The following THEMIS variants were observed in gnomAD, a reference collection of about 807,000 sequenced individuals.
The protein encoded by THEMIS is thymocyte selection associated, also known as protein THEMIS.
Under a neutral mutation model 52.6 loss-of-function variants are expected in THEMIS, and 37 were observed. That is an observed-to-expected ratio of 0.70 (90% CI 0.54 to 0.93). THEMIS has a LOEUF of 0.93. Among genes scored for constraint, THEMIS ranks in the 40% least tolerant of loss-of-function variants. The pLI, the probability that THEMIS is intolerant of heterozygous loss-of-function variation, is 0.00. For synonymous variants in THEMIS, 292 were observed against 272.7 expected, an observed-to-expected ratio of 1.07 and a Z score of -0.70; for missense variants, 808 against 763.1, an observed-to-expected ratio of 1.06 and a Z score of -0.69.
intron 1 of THEMIS, among the ~76,000 whole-genome samples, chr6:127,906,826 AT>A (rs889063435): frequency 2.6e-5 from 4 of 151,990 alleles, no homozygotes; most frequent in Non-Finnish European, 5.9e-5. Context: ...CAAGAGAAGT[AT>A]TGTTGAAAAG....
intron 1 of THEMIS, among the ~76,000 whole-genome samples, chr6:127,890,999 G>A (rs963860888): frequency 2.6e-5 from 4 of 151,988 alleles, no homozygotes; most frequent in Admixed American, 2.6e-4. Flanking sequence ...AGCATCCTCT[G>A]TGCCCAAGTT....
chr6:127,914,961 A>G (rs149875046), intron 1 of THEMIS, among the ~76,000 whole-genome samples: 114 of 152,344 alleles, frequency 7.5e-4, no homozygotes, highest in African/African-American at 2.7e-3. Context: ...GATTTTACAC[A>G]TTACTAGTGA....
chr6:127,754,073 C>T (rs1219313738), intron 4 of THEMIS, among the ~76,000 whole-genome samples: 1 of 152,118 alleles, frequency 6.6e-6, no homozygotes, highest in African/African-American at 2.4e-5. Context: ...CAGATTTTTA[C>T]ATGTCAATCA....
intron 4 of THEMIS, among the ~76,000 whole-genome samples, chr6:127,750,505 C>T (rs1015860710): frequency 3.3e-5 from 5 of 151,604 alleles, no homozygotes; most frequent in African/African-American, 1.2e-4. Flanking sequence ...AAATTTGAAG[C>T]CAGGAAGTCA....
At chr6:127,862,289 G>A (rs1779828101) in intron 1 of THEMIS, among the ~76,000 whole-genome samples, 2 of 151,850 alleles carry the variant, frequency 1.3e-5, no homozygotes, top group Non-Finnish European at 2.9e-5. Context: ...TTATTGTACT[G>A]GCATTCTGAT....
At chr6:127,837,219 G>A (rs1460246031) in intron 2 of THEMIS, among the ~76,000 whole-genome samples, 1 of 151,864 alleles carries the variant, frequency 6.6e-6, no homozygotes, top group African/African-American at 2.4e-5. Flanking sequence ...CAAAAACTAA[G>A]AATAATAGAC....
intron 2 of THEMIS, among the ~76,000 whole-genome samples, chr6:127,852,018 T>G (rs992925937): frequency 2.0e-5 from 3 of 151,630 alleles, no homozygotes; most frequent in African/African-American, 7.3e-5. Context: ...CGTCGGGGAC[T>G]GTCTGTAGTT....
At chr6:127,815,272 ATTGATT>A (rs1201373419) in intron 3 of THEMIS, among the ~76,000 whole-genome samples, 4 of 152,142 alleles carry the variant, frequency 2.6e-5, no homozygotes, top group Non-Finnish European at 5.9e-5. Context: ...ATGATATGGC[ATTGATT>A]TTCAATATCT....
chr6:127,748,293 T>C (rs543861991), intron 4 of THEMIS, among the ~76,000 whole-genome samples: 1 of 152,046 alleles, frequency 6.6e-6, no homozygotes, highest in East Asian at 1.9e-4. Context: ...TAAAAACGAG[T>C]GGCTGCATCT....
At chr6:127,878,134 G>A (rs1204551864) in intron 1 of THEMIS, among the ~76,000 whole-genome samples, 1 of 152,168 alleles carries the variant, frequency 6.6e-6, no homozygotes, top group African/African-American at 2.4e-5. Context: ...GCTGCTTCAT[G>A]GGTGAAATCA....
At chr6:127,793,220 G>A (rs1341976803) in intron 4 of THEMIS, among the ~76,000 whole-genome samples, 1 of 152,164 alleles carries the variant, frequency 6.6e-6, no homozygotes, top group Non-Finnish European at 1.5e-5. Flanking sequence ...TCCCAGTTGA[G>A]GAAACATTGG....
At chr6:127,710,065 C>G in intron 5 of THEMIS, 49 bp from the exon 6 acceptor site, 1 of 1,359,546 alleles carries the variant, frequency 7.4e-7, no homozygotes, top group Non-Finnish European at 1.0e-6. Context: ...TTGAAAATAA[C>G]CAGAAAGGAA....
At chr6:127,732,456 C>G (rs974970690) in intron 4 of THEMIS, among the ~76,000 whole-genome samples, 1 of 152,082 alleles carries the variant, frequency 6.6e-6, no homozygotes, top group African/African-American at 2.4e-5. Flanking sequence ...AGCTCAATGA[C>G]TTGATATAAA....
At chr6:127,796,969 AC>A in intron 4 of THEMIS, among the ~76,000 whole-genome samples, 1 of 152,318 alleles carries the variant, frequency 6.6e-6, no homozygotes, top group East Asian at 1.9e-4. Flanking sequence ...ATAAAAATCC[AC>A]TTGACTCCAG....
At position 127,869,720 on chromosome 6, in the gene THEMIS, T is replaced by C. The variant is rs559727491; in HGVS notation, c.92-14532A>G. On this transcript the variant is annotated intron_variant, in intron 1 of 5. Transcript: ENST00000368248. ...GCTGAAAAAGCTGACAACCTGGAAA[T>C]GCCAGTGGACACAGACCAAGAAAAC... Among the ~76,000 whole-genome samples the C allele has an allele frequency of 7.2e-5, 11 of 152,256 alleles. No homozygotes were observed. In the East Asian group the frequency reaches 9.7e-4, roughly 13 times the overall value.
Position 127,709,919 on chromosome 6 carries a change from A to T in THEMIS, c.*66T>A. 6.9e-7 allele frequency: 1 copy of T among 1,442,302 alleles called. No homozygotes were observed. The highest frequency in any genetic ancestry group is 9.5e-7 in the Non-Finnish European group (1 of 1,048,386). 89.3% of individuals were successfully genotyped at this position (1,442,302 alleles called of 1,614,324 possible). A position where few individuals can be genotyped will look rare whatever the true frequency, so the allele number is the denominator to read the frequency against. ...TGGGGAATACTCGTTTTTCAGCTAG[A>T]AGGCTAGCTTCTTTTTTCACTGCAA... On this transcript the variant is annotated 3_prime_UTR_variant, in exon 6 of 6. Coordinates refer to ENST00000368248, the MANE Select transcript of THEMIS (RefSeq NM_001010923.3).
At position 127,887,004 on chromosome 6, in the gene THEMIS, CT is replaced by C. The variant is rs201166652; in HGVS notation, c.91+13837del. Reference sequence around the variant, plus strand: ...TGATACCAAAAGCATGAGCCCTCCCCTACCTCCCCCCCCAAAAAATACATTG... The same window carrying C: ...TGATACCAAAAGCATGAGCCCTCCCCACCTCCCCCCCCAAAAAATACATTG... On this transcript the variant is annotated intron_variant, in intron 1 of 5. Coordinates refer to ENST00000368248, the MANE Select transcript of THEMIS (RefSeq NM_001010923.3). Among the ~76,000 whole-genome samples, 159 of 151,972 alleles carry C rather than the reference CT, an allele frequency of 1.0e-3. 1 individual carries two copies. The highest frequency in any genetic ancestry group is 3.7e-3 in the African/African-American group (153 of 41,452).
intron 3 of THEMIS, among the ~76,000 whole-genome samples, chr6:127,820,402 T>A (rs1467922327): frequency 6.6e-6 from 1 of 151,892 alleles, no homozygotes; most frequent in Non-Finnish European, 1.5e-5. Context: ...GAAGGGAAAT[T>A]GAGAATAGTC....
At chr6:127,767,042 CAT>C (rs1280060822) in intron 4 of THEMIS, among the ~76,000 whole-genome samples, 7 of 152,034 alleles carry the variant, frequency 4.6e-5, no homozygotes, top group African/African-American at 1.7e-4. Flanking sequence ...TTGTTAATAA[CAT>C]AACTTAAAAT....
Sources: allele counts gnomAD v4.1 joint callset (sites outside exome capture counted in the v4.1 genomes callset), GRCh38; gene constraint gnomAD v4.1.1; transcripts MANE v1.5; gene names NCBI Gene and HGNC (gene_info 2026-07-23, HGNC 2026-07-21).